RASGRP3: variants seen among roughly 807,000 people sequenced by gnomAD.
RASGRP3 encodes the protein ras guanyl-releasing protein 3.
Under a neutral mutation model 82.7 loss-of-function variants are expected in RASGRP3, and 54 were observed. The ratio of observed to expected loss-of-function variants is 0.65; its 90% CI spans 0.52 to 0.82. RASGRP3 has a LOEUF of 0.82. Among genes scored for constraint, RASGRP3 ranks in the 40% least tolerant of loss-of-function variants. RASGRP3 has a pLI of 0.00. For synonymous variants in RASGRP3, 309 were observed against 300.5 expected (o/e 1.03, Z -0.29); for missense variants, 861 against 828.9 (o/e 1.04, Z -0.48).
rs115141477 is a variant in RASGRP3 at position 33,468,695 on chromosome 2, C to T, written c.-261+20752C>T. On this transcript the variant is annotated intron_variant, in intron 2 of 18. Transcript: ENST00000402538. Reference sequence around the variant, plus strand: ...GATTACAGGTGTGAACCACTGTACCCAGCCACTTCAACATTATTTTATAAT... The same window carrying T: ...GATTACAGGTGTGAACCACTGTACCTAGCCACTTCAACATTATTTTATAAT... Among the ~76,000 whole-genome samples, 895 of 152,264 alleles carry T rather than the reference C, an allele frequency of 5.9e-3. 8 individuals carry two copies. Among genetic ancestry groups the T allele is most frequent in the Middle Eastern group, 0.051 (15 of 294 alleles).
At chr2:33,497,726 T>A (rs1015806416) in intron 1 of RASGRP3, among the ~76,000 whole-genome samples, 1 of 152,236 alleles carries the variant, frequency 6.6e-6, no homozygotes, top group African/African-American at 2.4e-5. Flanking sequence ...ACTTTCGGTA[T>A]GTGTTTAATA....
chr2:33,452,223 T>G (rs1295597003), intron 2 of RASGRP3, among the ~76,000 whole-genome samples: 1 of 152,240 alleles, frequency 6.6e-6, no homozygotes, highest in Non-Finnish European at 1.5e-5. Flanking sequence ...AGTTCATAGA[T>G]CTCCATTTAT....
chr2:33,462,388 T>TC (rs1489810037), intron 2 of RASGRP3, among the ~76,000 whole-genome samples: 1 of 151,262 alleles, frequency 6.6e-6, no homozygotes, highest in Non-Finnish European at 1.5e-5. Flanking sequence ...GTTTTTCTTT[T>TC]TTTTTTTTTA....
chr2:33,503,046 T>G lies in RASGRP3; in HGVS notation c.-260-8664T>G, dbSNP rs544770950. On this transcript the variant is annotated intron_variant, in intron 1 of 17. Transcript: ENST00000403687. ...GTTCTCTTTTAGCATTTTGACAGAC[T>G]GTTTCCCATATGTAAATCTGTTATT... Among the ~76,000 whole-genome samples the G allele has an allele frequency of 1.3e-5, 2 of 152,360 alleles. 1 individual carries two copies. The highest frequency in any genetic ancestry group is 4.1e-4 in the South Asian group (2 of 4,834).
chr2:33,549,524 G>C lies in RASGRP3; in HGVS notation c.1395-80G>C. 2.2e-6 allele frequency: 3 copies of C among 1,380,652 alleles called. No individual in the cohort carries two copies. In the South Asian group the frequency reaches 4.1e-5, roughly 19 times the overall value. The allele number at this position is 1,380,652 out of a possible 1,614,324, so 85.5% of individuals were successfully genotyped here. A position where few individuals can be genotyped will look rare whatever the true frequency, so the allele number is the denominator to read the frequency against. ...ACTGCTTTTGGCCACAAAGGTTTGG[G>C]AGGTGGGTGATTAAAGTGTGGCAAC... On this transcript the variant is annotated intron_variant, in intron 13 of 17. Transcript: ENST00000403687.
At chr2:33,504,483 T>C (rs1484970390) in intron 1 of RASGRP3, among the ~76,000 whole-genome samples, 1 of 152,248 alleles carries the variant, frequency 6.6e-6, no homozygotes, top group Non-Finnish European at 1.5e-5. Context: ...ACAATAAACA[T>C]TGGCTTTTGT....
At chr2:33,499,959 G>A (rs1669712029) in intron 1 of RASGRP3, among the ~76,000 whole-genome samples, 1 of 152,138 alleles carries the variant, frequency 6.6e-6, no homozygotes. Flanking sequence ...GAACCATTCA[G>A]TAACATAAAT....
chr2:33,500,074 G>GT (rs1669724172), intron 1 of RASGRP3, among the ~76,000 whole-genome samples: 1 of 152,130 alleles, frequency 6.6e-6, no homozygotes, highest in Non-Finnish European at 1.5e-5. Context: ...ATTGCCAAGC[G>GT]TAAGTATTGG....
chr2:33,505,365 C>T (rs915826193), intron 1 of RASGRP3, among the ~76,000 whole-genome samples: 7 of 151,082 alleles, frequency 4.6e-5, no homozygotes, highest in Non-Finnish European at 7.4e-5. Flanking sequence ...TGCAATGGCG[C>T]GATCTTGGCT....
chr2:33,462,378 G>GTT (rs1666421658), intron 2 of RASGRP3, among the ~76,000 whole-genome samples: 1 of 137,640 alleles, frequency 7.3e-6, no homozygotes. Flanking sequence ...TTTTTTTTTT[G>GTT]TTTTTCTTTT....
At chr2:33,543,073 G>A (rs1045681590) in intron 12 of RASGRP3, among the ~76,000 whole-genome samples, 4 of 152,086 alleles carry the variant, frequency 2.6e-5, no homozygotes, top group Non-Finnish European at 5.9e-5. Flanking sequence ...CAGTGCAGCG[G>A]TGTGATCTTG....
intron 1 of RASGRP3, among the ~76,000 whole-genome samples, chr2:33,486,258 A>C (rs749528225): frequency 5.3e-5 from 8 of 150,450 alleles, no homozygotes; most frequent in Non-Finnish European, 8.9e-5. Context: ...TCTGTCTCCT[A>C]GTTCAAGCGA....
At chr2:33,540,745 C>G (rs1014059768) in intron 12 of RASGRP3, among the ~76,000 whole-genome samples, 1 of 144,764 alleles carries the variant, frequency 6.9e-6, no homozygotes, top group African/African-American at 2.5e-5. Flanking sequence ...AATTTTACTC[C>G]GCAAAAAATC....
intron 1 of RASGRP3, among the ~76,000 whole-genome samples, chr2:33,483,129 C>T (rs1668081111): frequency 6.6e-6 from 1 of 152,116 alleles, no homozygotes; most frequent in Admixed American, 6.6e-5. Context: ...CTTGATGCCC[C>T]TATTGTAAAT....
chr2:33,480,147 A>G (rs901418763), intron 1 of RASGRP3, among the ~76,000 whole-genome samples: 5 of 147,866 alleles, frequency 3.4e-5, no homozygotes, highest in African/African-American at 1.3e-4. Flanking sequence ...GATTCACACC[A>G]TTCTCCTGCC....
chr2:33,464,346 C>T (rs1168490203), intron 2 of RASGRP3, among the ~76,000 whole-genome samples: 1 of 151,108 alleles, frequency 6.6e-6, no homozygotes, highest in Non-Finnish European at 1.5e-5. Context: ...TCTTGAACTC[C>T]TGAGCTCAGG....
chr2:33,477,934 T>G (rs1255981715), intron 1 of RASGRP3, among the ~76,000 whole-genome samples: 2 of 152,008 alleles, frequency 1.3e-5, no homozygotes, highest in Non-Finnish European at 2.9e-5. Context: ...CAACCTGGAG[T>G]GCGCTTGTTT....
intron 1 of RASGRP3, among the ~76,000 whole-genome samples, chr2:33,510,894 A>G (rs1259136491): frequency 6.6e-6 from 1 of 152,208 alleles, no homozygotes; most frequent in African/African-American, 2.4e-5. Flanking sequence ...GAACAGTTAC[A>G]TGGAATTGGC....
intron 2 of RASGRP3, among the ~76,000 whole-genome samples, chr2:33,460,503 T>C (rs1172257471): frequency 1.3e-5 from 2 of 151,544 alleles, no homozygotes; most frequent in African/African-American, 4.9e-5. Context: ...GCATGTATTG[T>C]TTTTTAGATA....
Sources: allele counts gnomAD v4.1 joint callset (sites outside exome capture counted in the v4.1 genomes callset), GRCh38; gene constraint gnomAD v4.1.1; transcripts MANE v1.5; gene names NCBI Gene and HGNC (gene_info 2026-07-23, HGNC 2026-07-21).